TNFRSF18: variants seen among roughly 807,000 people sequenced by gnomAD.
TNFRSF18 encodes the protein tumor necrosis factor receptor superfamily member 18.
A neutral mutation model predicts 30.2 loss-of-function variants in TNFRSF18; 36 were observed. The ratio of observed to expected loss-of-function variants is 1.19; its 90% CI spans 0.91 to 1.58. The LOEUF (loss-of-function observed/expected upper bound fraction) is 1.58. Among genes scored for constraint, TNFRSF18 ranks in the 40% most tolerant of loss-of-function variants. The probability of loss-of-function intolerance (pLI) is 0.00; values close to 1 mark genes in which losing one functional copy is unlikely to be tolerated. For missense variants in TNFRSF18, 369 were observed against 345.4 expected (o/e 1.07, Z -0.54); for synonymous variants, 173 against 158.3 (o/e 1.09, Z -0.70).
chr1:1,206,294 C>T (rs565250938), intron 1 of TNFRSF18, 91 bp downstream of exon 1: 82 of 1,429,966 alleles, frequency 5.7e-5, no homozygotes, highest in Admixed American at 4.9e-4. Context: ...TCAGCAACGC[C>T]GGTCTGAGCA....
rs147841322 is a variant in TNFRSF18, at chr1:1,203,892, G to A, written c.678C>T (p.Gly226=). 2.6e-5 allele frequency: 42 copies of A among 1,605,846 alleles called. No homozygotes were observed. The highest frequency in any genetic ancestry group is 1.1e-4 in the South Asian group (10 of 90,602). The part of the protein sequence containing the change: ...RSCQFPEEER[G]ERSAEEKGRL... ...GCCCCTTCTCCTCTGCCGATCGCTCGCCCCGCTCTTCCTCGGGGAACTGGC... is the reference window on the plus strand; with the variant it reads ...GCCCCTTCTCCTCTGCCGATCGCTCACCCCGCTCTTCCTCGGGGAACTGGC... The change falls in exon 5 of 5, where the codon GGC becomes GGT. Residue 226 remains glycine, a synonymous_variant. Transcript: ENST00000379268.
Position 1,206,551 on chromosome 1 carries a change from C to T in TNFRSF18, c.21G>A (p.Met7Ile), listed in dbSNP as rs1293607866. The change falls in exon 1 of 5, where the codon ATG becomes ATA. Residue 7 changes from methionine to isoleucine, a missense_variant. Transcript: ENST00000379268. MAQHGA[M>I]GAFRALCGLA... ...GGCCGCACAGGGCCCGAAACGCGCC[C>T]ATCGCCCCGTGCTGTGCCATGCTCG... 2.0e-6 allele frequency: 3 copies of T among 1,517,816 alleles called. No individual in the cohort carries two copies. The highest frequency in any genetic ancestry group is 8.8e-7 in the Non-Finnish European group (1 of 1,136,544). 94.0% of individuals were successfully genotyped at this position (1,517,816 alleles called of 1,614,324 possible). A position where few individuals can be genotyped will look rare whatever the true frequency, so the allele number is the denominator to read the frequency against.
chr1:1,204,274 A>G (rs576623894), intron 3 of TNFRSF18, 38 bp from the exon 4 acceptor site: 34 of 1,596,964 alleles, frequency 2.1e-5, no homozygotes, highest in East Asian at 6.8e-5. Context: ...CAGCCCCCGG[A>G]CACGGCCTCC....
rs1268772413 is a variant in TNFRSF18 at position 1,204,494 on chromosome 1, G to T, written c.311-8C>A. Reference sequence around the variant, plus strand: ...AGCCAAAACTGAATTTCCCTGGTGTGGGGTGTGGGGGGAGGGAGGGAGGGA... The same window carrying T: ...AGCCAAAACTGAATTTCCCTGGTGTTGGGTGTGGGGGGAGGGAGGGAGGGA... On this transcript the variant is annotated splice_region_variant and splice_polypyrimidine_tract_variant and intron_variant, in intron 2 of 4. Coordinates refer to ENST00000379268, the MANE Select transcript of TNFRSF18 (RefSeq NM_004195.3). 2 of 1,598,108 alleles carry T rather than the reference G, an allele frequency of 1.3e-6. No individual in the cohort carries two copies. The highest frequency in any genetic ancestry group is 1.1e-5 in the South Asian group (1 of 90,738).
chr1:1,205,310 C>A, intron 2 of TNFRSF18, 60 bp downstream of exon 2: 1 of 1,576,126 alleles, frequency 6.3e-7, no homozygotes, highest in Non-Finnish European at 8.6e-7. Flanking sequence ...CGAGCTCTGC[C>A]TCGGGCCCTA....
In TNFRSF18 at chr1:1,204,062, C is replaced by T. The variant is rs749873829; in HGVS notation, c.573G>A (p.Gln191=). The change falls in exon 4 of 5, where the codon CAG becomes CAA. Residue 191 remains glutamine, a synonymous_variant. Transcript: ENST00000379268. Reference sequence around the variant, plus strand: ...GGGGCCACATGCACTGACTCCTCAGCTGCCAGATGTGCAGTCCAAGCTGGG... The same window carrying T: ...GGGGCCACATGCACTGACTCCTCAGTTGCCAGATGTGCAGTCCAAGCTGGG... ...TSAQLGLHIW[Q]LRSQCMWPRE... is the part of the protein sequence containing the mutation. 6.2e-7 allele frequency: 1 copy of T among 1,605,798 alleles called. No individual in the cohort carries two copies. The highest frequency in any genetic ancestry group is 8.5e-7 in the Non-Finnish European group (1 of 1,176,924).
Position 1,204,154 on chromosome 1 carries a change from C to T in TNFRSF18, c.481G>A (p.Glu161Lys), listed in dbSNP as rs1648687216. The change falls in exon 4 of 5, where the codon GAG (glutamate) becomes AAG (lysine). Residue 161 changes from glutamate (E) to lysine (K), a missense_variant. Coordinates refer to ENST00000379268, the MANE Select transcript of TNFRSF18 (RefSeq NM_004195.3). ...ACGACGGTCAGCCACCCAAGCGGCT[C>T]TGCCGGCGGGGACCCTGGGACGCAC... ...AVCVPGSPPA[E>K]PLGWLTVVLL... 3.7e-6 allele frequency: 6 copies of T among 1,612,110 alleles called. No individual in the cohort carries two copies. The highest frequency in any genetic ancestry group is 3.4e-6 in the Non-Finnish European group (4 of 1,179,752).
rs746208961 is a variant in TNFRSF18, at chr1:1,203,701, G to T, written c.*143C>A. 1.3e-6 allele frequency: 2 copies of T among 1,562,312 alleles called. No individual in the cohort carries two copies. The highest frequency in any genetic ancestry group is 1.8e-5 in the Admixed American group (1 of 55,906). On this transcript the variant is annotated 3_prime_UTR_variant, in exon 5 of 5. Coordinates refer to ENST00000379268, the MANE Select transcript of TNFRSF18 (RefSeq NM_004195.3). ...GCCGCCGAACTGCATGGTCCAGGGCGCTGGTCACTGCCACCTTCCTGCACC... is the reference window on the plus strand; with the variant it reads ...GCCGCCGAACTGCATGGTCCAGGGCTCTGGTCACTGCCACCTTCCTGCACC...
At chr1:1,206,360 C>A in intron 1 of TNFRSF18, 25 bp downstream of exon 1, 1 of 1,544,314 alleles carries the variant, frequency 6.5e-7, no homozygotes. Context: ...GGCCGGTCCG[C>A]GTTAAGTAAA....
rs1427988619 is a variant in TNFRSF18 at position 1,206,433 on chromosome 1, C to T, written c.139G>A (p.Ala47Thr). 8 of 1,547,238 alleles carry T rather than the reference C, an allele frequency of 5.2e-6. No individual in the cohort carries two copies. Among genetic ancestry groups the T allele is most frequent in the Middle Eastern group, 2.0e-4 (1 of 4,974 alleles). ...GTCGTGTGAACCCGGCAGCAGCGCG[C>T]GTCCGTTCCCGTCCCAAGCAGGAGG... ...GRLLLGTGTD[A>T]RCCRVHTTRC... Residue 47 changes from alanine (A) to threonine (T), a missense_variant, in exon 1 of 5, where the codon GCG (alanine) becomes ACG (threonine). By Grantham distance (58) the Ala-to-Thr change is moderately conservative. Coordinates refer to ENST00000379268, the MANE Select transcript of TNFRSF18 (RefSeq NM_004195.3).
At chr1:1,205,572 G>T (rs952440043) in intron 1 of TNFRSF18, 80 bp from the exon 2 acceptor site, 5 of 1,493,122 alleles carry the variant, frequency 3.3e-6, no homozygotes, top group Non-Finnish European at 4.5e-6. Context: ...CCCTCCAGGG[G>T]AGTGAGGTTG....
rs1233982988 is a variant in TNFRSF18, at chr1:1,205,239, C to T, written c.310+131G>A. On this transcript the variant is annotated intron_variant, in intron 2 of 4. Transcript: ENST00000379268. The stretch of plus-strand genomic sequence containing the variant: ...TGGTGCCTGAGCATGGCCTGGCCTG[C>T]CCGGCCTCACAGGACTCCGGACCCC... 11 of 1,387,666 alleles carry T rather than the reference C, an allele frequency of 7.9e-6. No homozygotes were observed. The Admixed American group carries it at 1.0e-4, about 13-fold the overall frequency. The allele number at this position is 1,387,666 out of a possible 1,614,324, so 86.0% of individuals were successfully genotyped here.
At position 1,206,576 on chromosome 1, in the gene TNFRSF18, G is replaced by A. The variant is rs763692300; in HGVS notation, c.-5C>T. ...CATCGCCCCGTGCTGTGCCATGCTC[G>A]GGTTTCAAGAGCCCACAGCCAGTTG... On this transcript the variant is annotated 5_prime_UTR_variant, in exon 1 of 5. Transcript: ENST00000379268. 4.8e-5 allele frequency: 72 copies of A among 1,486,768 alleles called. No homozygotes were observed. Among genetic ancestry groups the A allele is most frequent in the Non-Finnish European group, 5.9e-5 (66 of 1,123,992 alleles). The allele number at this position is 1,486,768 out of a possible 1,614,324, so 92.1% of individuals were successfully genotyped here. A position where few individuals can be genotyped will look rare whatever the true frequency, so the allele number is the denominator to read the frequency against.
In TNFRSF18 at chr1:1,206,542, A is replaced by G. The variant is rs1407026245; in HGVS notation, c.30T>C (p.Phe10=). The G allele has an allele frequency of 6.6e-7, 1 of 1,522,640 alleles. No individual in the cohort carries two copies. Among genetic ancestry groups the G allele is most frequent in the Non-Finnish European group, 8.8e-7 (1 of 1,138,394 alleles). 94.3% of individuals were successfully genotyped at this position (1,522,640 alleles called of 1,614,324 possible). MAQHGAMGA[F]RALCGLALLC... ...GCAGCGCCAGGCCGCACAGGGCCCG[A>G]AACGCGCCCATCGCCCCGTGCTGTG... The change falls in exon 1 of 5, where the codon TTT becomes TTC. Residue 10 remains phenylalanine (F), a synonymous_variant. Transcript: ENST00000379268.
rs11466684 is a variant in TNFRSF18 at position 1,205,559 on chromosome 1, C to T, written c.188-67G>A. On this transcript the variant is annotated intron_variant, in intron 1 of 4. Transcript: ENST00000379268. ...GCCCCCTCCTCCCCAGGCCTCCCCT[C>T]GGCCCTCCAGGGGAGTGAGGTTGTC... 3.5e-5 allele frequency: 55 copies of T among 1,551,556 alleles called. 1 individual carries two copies. In the Admixed American group the frequency reaches 4.2e-4, roughly 12 times the overall value.
intron 2 of TNFRSF18, 23 bp downstream of exon 2, chr1:1,205,347 C>G: frequency 6.2e-7 from 1 of 1,606,050 alleles, no homozygotes; most frequent in Non-Finnish European, 8.5e-7. Context: ...GTGTGGACTC[C>G]CAGAGGCACC....
In TNFRSF18 at chr1:1,203,649, C is replaced by T. The variant is rs753023596; in HGVS notation, c.*195G>A. ...GGAAGGGGGCCATGACTGTGTCTCT[C>T]TCTCCCTCCTGCAGGGCCCAGCCGC... On this transcript the variant is annotated 3_prime_UTR_variant, in exon 5 of 5. Transcript: ENST00000379268. The T allele has an allele frequency of 6.5e-7, 1 of 1,548,450 alleles. No homozygotes were observed. The highest frequency in any genetic ancestry group is 8.7e-7 in the Non-Finnish European group (1 of 1,155,542).
At chr1:1,205,514 C>T in intron 1 of TNFRSF18, 22 bp from the exon 2 acceptor site, 3 of 1,605,780 alleles carry the variant, frequency 1.9e-6, no homozygotes, top group Non-Finnish European at 8.5e-7. Context: ...ACAGGCCAGC[C>T]CCCCAGCAGC....
At position 1,203,622 on chromosome 1, in the gene TNFRSF18, G is replaced by C; in HGVS notation, c.*222C>G. 1.3e-6 allele frequency: 2 copies of C among 1,533,628 alleles called. No individual in the cohort carries two copies. The highest frequency in any genetic ancestry group is 1.3e-5 in the South Asian group (1 of 79,412). On this transcript the variant is annotated 3_prime_UTR_variant, in exon 5 of 5. Coordinates refer to ENST00000379268, the MANE Select transcript of TNFRSF18 (RefSeq NM_004195.3). ...CCCCACCCCATCAGGGCCAGCAAGG[G>C]AGGAAGGGGGCCATGACTGTGTCTC...
Sources: allele counts gnomAD v4.1 joint callset, GRCh38; gene constraint gnomAD v4.1.1; transcripts MANE v1.5; gene names NCBI Gene and HGNC (gene_info 2026-07-23, HGNC 2026-07-21).